Variants in SLCO6A1 observed in about 807,000 individuals in gnomAD.
SLCO6A1 encodes cancer/testis antigen 48.
SLCO6A1 carries 65 observed loss-of-function variants against 72.7 expected under a neutral mutation model. The ratio of observed to expected loss-of-function variants is 0.89; its 90% confidence interval spans 0.73 to 1.10. SLCO6A1 has a LOEUF of 1.10. Ranked by LOEUF, SLCO6A1 falls within the 50% of genes least tolerant of loss-of-function variation. The pLI, the probability that SLCO6A1 is intolerant of heterozygous loss-of-function variation, is 0.00. For missense variants in SLCO6A1, 874 were observed against 872.6 expected, an observed-to-expected ratio of 1.00 and a Z score of -0.02; for synonymous variants, 314 against 298.2, an observed-to-expected ratio of 1.05 and a Z score of -0.55.
chr5:102,412,857 G>A, intron 9 of SLCO6A1, 133 bp downstream of exon 9: 1 of 337,088 alleles, frequency 3.0e-6, no homozygotes, highest in Non-Finnish European at 5.1e-6. Flanking sequence ...TTTATACAGA[G>A]TTGGAAGAAA....
At chr5:102,394,596 A>G (rs940785370) in intron 10 of SLCO6A1, among the ~76,000 whole-genome samples, 6 of 152,082 alleles carry the variant, frequency 3.9e-5, no homozygotes, top group Non-Finnish European at 5.9e-5. Context: ...TTGGTTGAAT[A>G]AGTGATTGCA....
At chr5:102,374,148 C>T (rs893611862) in intron 12 of SLCO6A1, among the ~76,000 whole-genome samples, 2 of 151,926 alleles carry the variant, frequency 1.3e-5, no homozygotes, top group African/African-American at 4.8e-5. Flanking sequence ...AGCGATCCTC[C>T]CACTTCAGCA....
At chr5:102,393,603 A>G (rs1444499813) in intron 10 of SLCO6A1, among the ~76,000 whole-genome samples, 1 of 152,178 alleles carries the variant, frequency 6.6e-6, no homozygotes, top group Non-Finnish European at 1.5e-5. Context: ...TTTTAATAGT[A>G]CAATTCAATA....
intron 7 of SLCO6A1, among the ~76,000 whole-genome samples, chr5:102,438,080 G>A (rs751538008): frequency 2.0e-5 from 3 of 151,962 alleles, no homozygotes; most frequent in East Asian, 1.9e-4. Context: ...TCATTACTAC[G>A]CTGGTTGGAA....
chr5:102,395,282 C>T (rs534962713), intron 10 of SLCO6A1, among the ~76,000 whole-genome samples: 56 of 151,678 alleles, frequency 3.7e-4, no homozygotes, highest in African/African-American at 1.3e-3. Flanking sequence ...TGAGTGAGAA[C>T]ATGCGGTGTT....
intron 6 of SLCO6A1, among the ~76,000 whole-genome samples, chr5:102,458,158 G>A (rs1184339351): frequency 6.6e-6 from 1 of 151,982 alleles, no homozygotes; most frequent in African/African-American, 2.4e-5. Context: ...GTTAAATAAT[G>A]AGTTACTGGG....
At chr5:102,391,977 C>T (rs1216401883) in intron 10 of SLCO6A1, among the ~76,000 whole-genome samples, 2 of 151,866 alleles carry the variant, frequency 1.3e-5, no homozygotes, top group African/African-American at 4.8e-5. Context: ...TAAAAATAAT[C>T]CTTGAACATT....
intron 12 of SLCO6A1, among the ~76,000 whole-genome samples, chr5:102,385,044 G>A (rs1746336575): frequency 6.6e-6 from 1 of 152,050 alleles, no homozygotes; most frequent in African/African-American, 2.4e-5. Flanking sequence ...TATTGTTCTG[G>A]AAAAGTCTTT....
Position 102,480,197 on chromosome 5 carries a change from T to G in SLCO6A1, c.596A>C (p.Gln199Pro), listed in dbSNP as rs111371938. 643 of 1,609,090 alleles carry G rather than the reference T, an allele frequency of 4.0e-4. 4 individuals are homozygous for G. In the African/African-American group the frequency reaches 7.5e-3, roughly 19 times the overall value. The change falls in exon 2 of 14, where the codon CAA becomes CCA. Residue 199 changes from glutamine to proline, a missense_variant. Physicochemically the swap from Gln to Pro is moderately conservative, Grantham distance 76 (BLOSUM62 -1). Coordinates refer to ENST00000506729, the MANE Select transcript of SLCO6A1 (RefSeq NM_173488.5). ...CTTACCTTCAATTCCTACCTTACTT[T>G]GTTTATTTTCTTCATTAATGGATGG... ...AFPSINEENK[Q>P]SKVGIEDICE...
At chr5:102,399,066 A>G (rs1242644410) in intron 10 of SLCO6A1, among the ~76,000 whole-genome samples, 2 of 152,158 alleles carry the variant, frequency 1.3e-5, no homozygotes, top group Non-Finnish European at 2.9e-5. Context: ...TCATATATTT[A>G]GGAAGAACGC....
At chr5:102,488,554 T>C (rs1031813834) in intron 1 of SLCO6A1, among the ~76,000 whole-genome samples, 4 of 152,182 alleles carry the variant, frequency 2.6e-5, no homozygotes, top group East Asian at 1.9e-4. Flanking sequence ...AGTTAAAAAA[T>C]ACTTTTAGAT....
At chr5:102,433,965 T>C (rs6862894) in intron 7 of SLCO6A1, among the ~76,000 whole-genome samples, 98,218 of 151,794 alleles carry the variant, frequency 0.65, 31,975 homozygotes, top group African/African-American at 0.67. Context: ...TTAGCATTTG[T>C]ATCTTTCGTC....
intron 1 of SLCO6A1, among the ~76,000 whole-genome samples, chr5:102,480,762 T>C (rs1386844050): frequency 6.6e-6 from 1 of 152,054 alleles, no homozygotes; most frequent in Non-Finnish European, 1.5e-5. Context: ...TTAAAACCAT[T>C]ACTAATATAA....
At chr5:102,404,505 CA>C (rs1338361017) in intron 9 of SLCO6A1, among the ~76,000 whole-genome samples, 1 of 150,052 alleles carries the variant, frequency 6.7e-6, no homozygotes, top group Non-Finnish European at 1.5e-5. Flanking sequence ...GACTCTGTCT[CA>C]AAAAAACAAA....
intron 12 of SLCO6A1, among the ~76,000 whole-genome samples, chr5:102,384,809 T>A (rs1339019655): frequency 1.3e-5 from 2 of 152,072 alleles, no homozygotes; most frequent in Non-Finnish European, 2.9e-5. Flanking sequence ...TACCACTGAG[T>A]TTTATACTTT....
At chr5:102,394,647 T>G (rs1159088154) in intron 10 of SLCO6A1, among the ~76,000 whole-genome samples, 1 of 152,034 alleles carries the variant, frequency 6.6e-6, no homozygotes, top group African/African-American at 2.4e-5. Context: ...AAAAAATAAA[T>G]AGAGAGGATC....
chr5:102,470,451 A>C (rs146467183), intron 4 of SLCO6A1, among the ~76,000 whole-genome samples: 34,896 of 151,800 alleles, frequency 0.23, 4,767 homozygotes, highest in South Asian at 0.31. Flanking sequence ...TTGCATAGAG[A>C]TGTTTATAGT....
rs139495343 is a variant in SLCO6A1 at position 102,399,558 on chromosome 5, G to A, written c.1811C>T (p.Thr604Met). The change falls in exon 10 of 14, where the codon ACG becomes ATG. Residue 604 changes from threonine to methionine, a missense_variant. Coordinates refer to ENST00000506729, the MANE Select transcript of SLCO6A1 (RefSeq NM_173488.5). ...FSGVPIVLAM[T>M]RVVPDKLRSL... ...ATAATGAGTAATATATACATACCGC[G>A]TCATGGCCAAGACGATTGGTACACC... 5.7e-5 allele frequency: 88 copies of A among 1,532,482 alleles called. No homozygotes were observed. Among genetic ancestry groups the A allele is most frequent in the Admixed American group, 2.1e-4 (11 of 52,730 alleles). 94.9% of individuals were successfully genotyped at this position (1,532,482 alleles called of 1,614,324 possible). A position where few individuals can be genotyped will look rare whatever the true frequency, so the allele number is the denominator to read the frequency against.
chr5:102,416,167 A>T (rs906732242), intron 8 of SLCO6A1, among the ~76,000 whole-genome samples: 2 of 152,140 alleles, frequency 1.3e-5, no homozygotes, highest in Non-Finnish European at 2.9e-5. Flanking sequence ...AAAACTAAAA[A>T]ATATAACTAC....
Sources: gnomAD v4.1 joint callset for allele counts (sites outside exome capture counted in the v4.1 genomes callset) on GRCh38, gnomAD v4.1.1 for gene constraint, MANE v1.5 for transcripts, NCBI Gene and HGNC (gene_info 2026-07-23, HGNC 2026-07-21) for gene names.